ERGIC1: variants seen among roughly 807,000 people sequenced by gnomAD.
ERGIC1 encodes the protein endoplasmic reticulum-golgi intermediate compartment 1.
Under a neutral mutation model 38.3 loss-of-function variants are expected in ERGIC1, and 19 were observed. The observed-to-expected ratio is 0.50, with a 90% CI of 0.35 to 0.73. The LOEUF (loss-of-function observed/expected upper bound fraction) is 0.73, where lower values mean the gene tolerates loss of function less well. ERGIC1 is among the 30% of genes least tolerant of loss of function. The pLI is 0.01. For missense variants in ERGIC1, 294 were observed against 389.2 expected (o/e 0.76, Z 2.06); for synonymous variants, 124 against 157.6 (o/e 0.79, Z 1.60).
intron 1 of ERGIC1, among the ~76,000 whole-genome samples, chr5:172,882,496 G>T (rs151059816): frequency 3.9e-5 from 6 of 152,160 alleles, no homozygotes; most frequent in Admixed American, 1.3e-4. Context: ...GGCAGTGGAA[G>T]GACCATGCCC....
intron 3 of ERGIC1, among the ~76,000 whole-genome samples, chr5:172,899,761 CA>C (rs1226594344): frequency 6.6e-6 from 1 of 152,192 alleles, no homozygotes; most frequent in Non-Finnish European, 1.5e-5. Flanking sequence ...CTGTATCGAT[CA>C]GGGGCAAGTA....
intron 1 of ERGIC1, among the ~76,000 whole-genome samples, chr5:172,885,186 T>C (rs80077460): frequency 0.044 from 6,676 of 152,212 alleles, 310 homozygotes; most frequent in African/African-American, 0.12. Flanking sequence ...CTGGAGTACA[T>C]TGGCACCATC....
chr5:172,846,964 C>A lies in ERGIC1; in HGVS notation c.20+12531C>A, dbSNP rs948452106. ...TGGGCAGGAAATTGGACTAGAGATG[C>A]CTCCTTTGTGTTAGCCTAAGTCAGC... On this transcript the variant is annotated intron_variant, in intron 1 of 9. Coordinates refer to ENST00000393784, the MANE Select transcript of ERGIC1 (RefSeq NM_001031711.3). This position sits in a 1 kb window ranked among gnomAD's most constrained non-coding sequence, Gnocchi z 4.0. Among the ~76,000 whole-genome samples, 1 of 152,196 alleles carries A rather than the reference C, an allele frequency of 6.6e-6. No individual in the cohort carries two copies. Among genetic ancestry groups the A allele is most frequent in the African/African-American group, 2.4e-5 (1 of 41,450 alleles).
chr5:172,937,109 AAGTT>A (rs1177537271), intron 9 of ERGIC1: 1 of 152,168 alleles, frequency 6.6e-6, no homozygotes, highest in Admixed American at 6.6e-5. Flanking sequence ...GACCACATAA[AAGTT>A]AGAAACTCCT....
At chr5:172,836,877 A>G (rs1389828820) in intron 1 of ERGIC1, among the ~76,000 whole-genome samples, 1 of 152,172 alleles carries the variant, frequency 6.6e-6, no homozygotes, top group East Asian at 1.9e-4. Flanking sequence ...TTTAATCTTC[A>G]TTTTAAATCA....
intron 1 of ERGIC1, among the ~76,000 whole-genome samples, chr5:172,872,622 C>T (rs757529805): frequency 1.3e-5 from 2 of 152,114 alleles, no homozygotes; most frequent in African/African-American, 4.8e-5. Flanking sequence ...CGAGACCAGC[C>T]TGGCCAACAT....
intron 9 of ERGIC1, among the ~76,000 whole-genome samples, chr5:172,947,912 GGTTA>G (rs1764159083): frequency 3.5e-5 from 5 of 144,556 alleles, no homozygotes; most frequent in African/African-American, 7.7e-5. Flanking sequence ...GTGTGTGTGT[GGTTA>G]TTTTTTATTT....
At chr5:172,853,138 G>T (rs1161355794) in intron 1 of ERGIC1, among the ~76,000 whole-genome samples, 4 of 152,220 alleles carry the variant, frequency 2.6e-5, no homozygotes, top group African/African-American at 9.6e-5. Context: ...CCACAAGGTG[G>T]TTTACCACGT....
At position 172,882,631 on chromosome 5, in the gene ERGIC1, G is replaced by T. The variant is rs1762312722; in HGVS notation, c.21-6068G>T. Among the ~76,000 whole-genome samples the T allele has an allele frequency of 2.0e-5, 3 of 152,134 alleles. No individual in the cohort carries two copies. The South Asian group carries it at 6.2e-4, about 32-fold the overall frequency. ...TTCCAGGGTTTTGTGAGAAATACAT[G>T]CAAATATGTATGTCAAAGTGCCCAG... On this transcript the variant is annotated intron_variant, in intron 1 of 9. Coordinates refer to ENST00000393784, the MANE Select transcript of ERGIC1 (RefSeq NM_001031711.3).
chr5:172,950,249 T>G (rs1424265105), intron 9 of ERGIC1, among the ~76,000 whole-genome samples: 1 of 152,170 alleles, frequency 6.6e-6, no homozygotes, highest in African/African-American at 2.4e-5. Flanking sequence ...GGACTGCCTT[T>G]CAGAACCTCC....
At chr5:172,862,718 A>G (rs144745668) in intron 1 of ERGIC1, among the ~76,000 whole-genome samples, 16 of 152,336 alleles carry the variant, frequency 1.1e-4, no homozygotes, top group African/African-American at 3.8e-4. Context: ...CTCTAGGGCT[A>G]CTGTCACAGT....
chr5:172,911,620 G>C (rs1763210731), intron 4 of ERGIC1, among the ~76,000 whole-genome samples: 1 of 152,114 alleles, frequency 6.6e-6, no homozygotes, highest in African/African-American at 2.4e-5. Context: ...GGAAAACACA[G>C]GGAAGCAAAA....
chr5:172,918,266 A>G (rs1456470843), intron 5 of ERGIC1: 1 of 152,258 alleles, frequency 6.6e-6, no homozygotes, highest in East Asian at 1.9e-4. Context: ...TATTTTAATT[A>G]CTATTTAAAT....
chr5:172,904,225 T>C (rs1455078808), intron 3 of ERGIC1, among the ~76,000 whole-genome samples: 1 of 152,238 alleles, frequency 6.6e-6, no homozygotes, highest in Non-Finnish European at 1.5e-5. Context: ...AGAGGCCTGA[T>C]GAATTTTCAC....
At chr5:172,946,674 G>A (rs187751162) in intron 9 of ERGIC1, among the ~76,000 whole-genome samples, 1 of 152,152 alleles carries the variant, frequency 6.6e-6, no homozygotes, top group Non-Finnish European at 1.5e-5. Flanking sequence ...CTGGCACTGG[G>A]CATTTCTGAA....
chr5:172,881,152 C>T (rs187654157), intron 1 of ERGIC1, among the ~76,000 whole-genome samples: 3 of 151,998 alleles, frequency 2.0e-5, no homozygotes, highest in East Asian at 3.9e-4. Context: ...GAGGCTGAGG[C>T]GGGAGAATGG....
At position 172,948,585 on chromosome 5, in the gene ERGIC1, G is replaced by A. The variant is rs375583260; in HGVS notation, c.766-2124G>A. Among the ~76,000 whole-genome samples the A allele has an allele frequency of 2.8e-4, 43 of 152,122 alleles. 1 individual carries two copies. The highest frequency in any genetic ancestry group is 1.9e-3 in the East Asian group (10 of 5,168). On this transcript the variant is annotated intron_variant, in intron 9 of 9. Coordinates refer to ENST00000393784, the MANE Select transcript of ERGIC1 (RefSeq NM_001031711.3). ...AGTGCCACATGCACTGTGTGACCTC[G>A]GACAAGTTACTTCCCTCTCTGTACC... is the stretch of plus-strand genomic sequence containing the variant.
At chr5:172,935,690 T>C (rs1189767569) in intron 9 of ERGIC1, 1 of 173,098 alleles carries the variant, frequency 5.8e-6, no homozygotes, top group Non-Finnish European at 1.2e-5. Context: ...ATTGAACTCA[T>C]TTTTTTTTCC....
chr5:172,948,348 A>G (rs566883820), intron 9 of ERGIC1, among the ~76,000 whole-genome samples: 4 of 152,252 alleles, frequency 2.6e-5, no homozygotes, highest in Non-Finnish European at 4.4e-5. Flanking sequence ...CGCCTTTGCT[A>G]TGTCTCCCAG....
Sources: allele counts gnomAD v4.1 joint callset (sites outside exome capture counted in the v4.1 genomes callset), GRCh38; gene constraint gnomAD v4.1.1; non-coding constraint Gnocchi (gnomAD v3.1); transcripts MANE v1.5; gene names NCBI Gene and HGNC (gene_info 2026-07-23, HGNC 2026-07-21).